Variants in AGBL4 observed in about 807,000 individuals in gnomAD.
The protein encoded by AGBL4 is AGBL carboxypeptidase 4.
Under a neutral mutation model 66.4 loss-of-function variants are expected in AGBL4, and 58 were observed. That is an observed-to-expected ratio of 0.87 (90% CI 0.71 to 1.09). The LOEUF is 1.09. AGBL4 is among the 50% of genes least tolerant of loss of function. The probability of loss-of-function intolerance (pLI) is 0.00; values close to 1 mark genes in which losing one functional copy is unlikely to be tolerated. For missense variants in AGBL4, 579 were observed against 631.0 expected (o/e 0.92, Z 0.88); for synonymous variants, 234 against 222.9 (o/e 1.05, Z -0.44).
intron 6 of AGBL4, among the ~76,000 whole-genome samples, chr1:48,674,536 G>T (rs6692992): frequency 1.3e-5 from 2 of 150,882 alleles, no homozygotes; most frequent in African/African-American, 4.9e-5. Context: ...GGCGGGGAGG[G>T]GGGGGATGGG....
intron 2 of AGBL4, among the ~76,000 whole-genome samples, chr1:49,797,889 G>A (rs1487127368): frequency 6.6e-6 from 1 of 151,714 alleles, no homozygotes; most frequent in Non-Finnish European, 1.5e-5. Context: ...TCAGCCTCCT[G>A]AATAGCTGGG....
chr1:49,032,558 G>C (rs1461990633), intron 5 of AGBL4, among the ~76,000 whole-genome samples: 1 of 152,144 alleles, frequency 6.6e-6, no homozygotes, highest in Non-Finnish European at 1.5e-5. Flanking sequence ...ATTTGGTCAG[G>C]CATCACAGGA....
At chr1:49,613,516 T>G (rs1645194417) in intron 3 of AGBL4, among the ~76,000 whole-genome samples, 1 of 152,208 alleles carries the variant, frequency 6.6e-6, no homozygotes, top group South Asian at 2.1e-4. Context: ...CTCACATTAC[T>G]GCCTGAGCTT....
At chr1:48,590,778 C>T (rs927878293) in intron 10 of AGBL4, 55 bp downstream of exon 10, 44 of 1,525,300 alleles carry the variant, frequency 2.9e-5, no homozygotes, top group African/African-American at 9.6e-5. Flanking sequence ...AGAAGGAAGA[C>T]GGGGAGGCAG....
At chr1:49,284,699 CA>C (rs957699413) in intron 3 of AGBL4, among the ~76,000 whole-genome samples, 2 of 151,328 alleles carry the variant, frequency 1.3e-5, no homozygotes, top group African/African-American at 4.9e-5. Context: ...AAATGGAAAA[CA>C]AAAAAAGGCA....
chr1:49,543,626 T>G (rs560962283), intron 3 of AGBL4, among the ~76,000 whole-genome samples: 2 of 152,198 alleles, frequency 1.3e-5, no homozygotes, highest in African/African-American at 4.8e-5. Context: ...ATGGGTTATC[T>G]TGTAAAGCCA....
intron 9 of AGBL4, among the ~76,000 whole-genome samples, chr1:48,617,093 A>G (rs937476335): frequency 2.4e-4 from 37 of 152,224 alleles, no homozygotes; most frequent in African/African-American, 8.9e-4. Context: ...GGGAGGGGGG[A>G]GCTGAGAAGA....
At chr1:49,216,819 T>A (rs1380697904) in intron 4 of AGBL4, among the ~76,000 whole-genome samples, 1 of 152,138 alleles carries the variant, frequency 6.6e-6, no homozygotes, top group African/African-American at 2.4e-5. Context: ...TCCATTTGAA[T>A]CCACATCTTT....
intron 11 of AGBL4, among the ~76,000 whole-genome samples, chr1:48,556,781 TTTTTG>T (rs899659220): frequency 6.6e-6 from 1 of 152,126 alleles, no homozygotes; most frequent in African/African-American, 2.4e-5. Context: ...ACCTATTTCT[TTTTTG>T]TTTTGTTTTG....
chr1:48,968,033 TC>T (rs1658587727), intron 5 of AGBL4, among the ~76,000 whole-genome samples: 1 of 152,136 alleles, frequency 6.6e-6, no homozygotes, highest in Non-Finnish European at 1.5e-5. Context: ...CTTTGTTTTA[TC>T]CTTTGAGGGA....
At chr1:49,600,165 C>T (rs1323005843) in intron 3 of AGBL4, among the ~76,000 whole-genome samples, 2 of 152,104 alleles carry the variant, frequency 1.3e-5, no homozygotes, top group Non-Finnish European at 2.9e-5. Context: ...CTGAATATCC[C>T]TGTTAATATT....
intron 8 of AGBL4, among the ~76,000 whole-genome samples, chr1:48,651,789 T>A (rs1645934624): frequency 6.6e-6 from 1 of 152,232 alleles, no homozygotes; most frequent in Non-Finnish European, 1.5e-5. Flanking sequence ...CCTGGCTGGC[T>A]GTCAGGAGAT....
At chr1:49,856,155 T>G (rs887011941) in intron 1 of AGBL4, among the ~76,000 whole-genome samples, 20 of 151,958 alleles carry the variant, frequency 1.3e-4, no homozygotes, top group African/African-American at 4.6e-4. Context: ...ATGTATAAAT[T>G]TGTGAATATA....
intron 3 of AGBL4, among the ~76,000 whole-genome samples, chr1:49,543,479 T>C (rs1652227981): frequency 6.6e-6 from 1 of 151,880 alleles, no homozygotes; most frequent in Admixed American, 6.6e-5. Flanking sequence ...AAGTTTTGAA[T>C]AAAATAGGGC....
intron 5 of AGBL4, among the ~76,000 whole-genome samples, chr1:48,976,130 G>A (rs1276981060): frequency 6.6e-6 from 1 of 152,100 alleles, no homozygotes; most frequent in African/African-American, 2.4e-5. Context: ...GGAATTATTG[G>A]GATGGGAAGA....
At chr1:49,786,285 A>G (rs934481620) in intron 2 of AGBL4, among the ~76,000 whole-genome samples, 1 of 152,168 alleles carries the variant, frequency 6.6e-6, no homozygotes, top group African/African-American at 2.4e-5. Flanking sequence ...TTAACATTTT[A>G]TCTTACGGTT....
intron 1 of AGBL4, among the ~76,000 whole-genome samples, chr1:49,899,614 A>G (rs1332763627): frequency 6.6e-6 from 1 of 152,196 alleles, no homozygotes; most frequent in African/African-American, 2.4e-5. Context: ...AACTAAGGAC[A>G]TCATATTAAA....
intron 2 of AGBL4, among the ~76,000 whole-genome samples, chr1:49,814,171 T>C (rs1369701109): frequency 6.6e-6 from 1 of 152,154 alleles, no homozygotes; most frequent in East Asian, 1.9e-4. Flanking sequence ...CAGTACTGTA[T>C]TAATTGTGTA....
chr1:49,135,682 G>A (rs577985793), intron 4 of AGBL4, among the ~76,000 whole-genome samples: 8 of 152,302 alleles, frequency 5.3e-5, no homozygotes, highest in Admixed American at 1.3e-4. Flanking sequence ...GGCACAGATC[G>A]CTCATGCTAT....
Sources: gnomAD v4.1 joint callset for allele counts (sites outside exome capture counted in the v4.1 genomes callset) on GRCh38, gnomAD v4.1.1 for gene constraint, MANE v1.5 for transcripts, NCBI Gene and HGNC (gene_info 2026-07-23, HGNC 2026-07-21) for gene names.